Variants in DYNC2H1 observed in about 807,000 individuals in gnomAD.
DYNC2H1 encodes the protein cytoplasmic dynein 2 heavy chain 1.
A neutral mutation model predicts 570.0 loss-of-function variants in DYNC2H1; 410 were observed. The ratio of observed to expected loss-of-function variants is 0.72; its 90% CI spans 0.66 to 0.78. The LOEUF is 0.78. Among genes scored for constraint, DYNC2H1 ranks in the 30% least tolerant of loss-of-function variants. The pLI, the probability that DYNC2H1 is intolerant of heterozygous loss-of-function variation, is 0.00. For synonymous variants in DYNC2H1, 1,688 were observed against 1,677.6 expected (o/e 1.01, Z -0.15); for missense variants, 4,865 against 5,046.4 (o/e 0.96, Z 1.09).
In DYNC2H1 at chr11:103,346,732, T is replaced by C. The variant is rs1178641867; in HGVS notation, c.12040-11511T>C. On this transcript the variant is annotated intron_variant, in intron 82 of 88. Coordinates refer to ENST00000375735, the MANE Select transcript of DYNC2H1 (RefSeq NM_001377.3). ...AGGGAAAGAACTATGTACTTATCTT[T>C]CCTTTGTGAATTATATTTCAAGATA... Among the ~76,000 whole-genome samples, 3 of 152,212 alleles carry C rather than the reference T, an allele frequency of 2.0e-5. No individual in the cohort carries two copies. The East Asian group carries it at 5.8e-4, about 29-fold the overall frequency.
chr11:103,174,880 A>G (rs1038713687), intron 36 of DYNC2H1, among the ~76,000 whole-genome samples: 3 of 119,530 alleles, frequency 2.5e-5, no homozygotes, highest in African/African-American at 9.8e-5. Flanking sequence ...TAATAAATCT[A>G]GCTTACTCTC....
chr11:103,272,429 G>T (rs1335702051), intron 70 of DYNC2H1, among the ~76,000 whole-genome samples: 1 of 152,100 alleles, frequency 6.6e-6, no homozygotes, highest in Non-Finnish European at 1.5e-5. Flanking sequence ...GTCGTGGGGT[G>T]GGGGGATGGG....
chr11:103,345,205 T>G (rs1939681650), intron 82 of DYNC2H1, among the ~76,000 whole-genome samples: 1 of 152,208 alleles, frequency 6.6e-6, no homozygotes, highest in Non-Finnish European at 1.5e-5. Context: ...TTATTGTTAT[T>G]GTACAATATT....
intron 82 of DYNC2H1, among the ~76,000 whole-genome samples, chr11:103,350,865 T>G (rs1940019109): frequency 2.0e-5 from 3 of 152,062 alleles, no homozygotes; most frequent in Admixed American, 1.3e-4. Context: ...TACCCTTAAT[T>G]ACCTCCTTGG....
At chr11:103,190,259 A>G (rs1449911614) in intron 45 of DYNC2H1, among the ~76,000 whole-genome samples, 1 of 152,218 alleles carries the variant, frequency 6.6e-6, no homozygotes, top group Non-Finnish European at 1.5e-5. Context: ...ACTTGAAAGT[A>G]GGCATTGAGG....
rs145227293 is a variant in DYNC2H1 at position 103,454,544 on chromosome 11, G to A, written c.12457-642G>A. On this transcript the variant is annotated intron_variant, in intron 85 of 88. Coordinates refer to ENST00000375735, the MANE Select transcript of DYNC2H1 (RefSeq NM_001377.3). Reference sequence around the variant, plus strand: ...AAAGTGGGGATACTAATACTAACTTGCAGGGTCATGGTAAGTGTAAATTTG... The same window carrying A: ...AAAGTGGGGATACTAATACTAACTTACAGGGTCATGGTAAGTGTAAATTTG... 9.2e-4 allele frequency among the ~76,000 whole-genome samples: 140 copies of A among 152,228 alleles called. 1 individual carries two copies. The highest frequency in any genetic ancestry group is 2.9e-3 in the Admixed American group (44 of 15,286).
chr11:103,139,566 T>C (rs1197462609), intron 17 of DYNC2H1, among the ~76,000 whole-genome samples: 1 of 151,218 alleles, frequency 6.6e-6, no homozygotes, highest in Non-Finnish European at 1.5e-5. Flanking sequence ...TTGATTGCAC[T>C]GTGGTCTGAG....
rs753007219 is a variant in DYNC2H1 at position 103,303,131 on chromosome 11, C to A, written c.11134C>A (p.Arg3712Ser). The A allele has an allele frequency of 1.2e-6, 2 of 1,606,514 alleles. No individual in the cohort carries two copies. The highest frequency in any genetic ancestry group is 1.7e-6 in the Non-Finnish European group (2 of 1,175,722). ...EVSPLPLNLK[R>S]LYKETLEIEP... ...GTCCCCACTGCCTCTAAATCTCAAA[C>A]GTTTATACAAAGAGACACTGGAAAT... The change falls in exon 76 of 89, where the codon CGT becomes AGT. Residue 3712 changes from arginine to serine, a missense_variant. By Grantham distance (110) the Arg-to-Ser change is moderately radical (BLOSUM62 -1). Around this residue, in one of 5 missense-constraint regions of DYNC2H1, gnomAD observed 2,401 missense variants for 2,454.6 expected, o/e 0.98. Coordinates refer to ENST00000375735, the MANE Select transcript of DYNC2H1 (RefSeq NM_001377.3).
chr11:103,410,423 T>C (rs1943036883), intron 84 of DYNC2H1, among the ~76,000 whole-genome samples: 1 of 152,096 alleles, frequency 6.6e-6, no homozygotes, highest in African/African-American at 2.4e-5. Flanking sequence ...TCTATAACCT[T>C]TTTAGGGTTT....
rs2135286311 is a variant in DYNC2H1 at position 103,264,226 on chromosome 11, CA to C, written c.10695+4256del. 6.6e-6 allele frequency among the ~76,000 whole-genome samples: 1 copy of C among 152,010 alleles called. No homozygotes were observed. Among genetic ancestry groups the C allele is most frequent in the South Asian group, 2.1e-4 (1 of 4,804 alleles). The stretch of plus-strand genomic sequence containing the variant: ...AGGCAGTAATTAATAGCCTACCAAC[CA>C]AAAAAAGCCCAGGGTCAGATGGATT... On this transcript the variant is annotated intron_variant, in intron 70 of 88. Transcript: ENST00000375735. The surrounding 1 kb of genome is among the most constrained non-coding windows in gnomAD (Gnocchi z 4.8).
intron 47 of DYNC2H1, among the ~76,000 whole-genome samples, chr11:103,194,475 T>G (rs1458829202): frequency 6.6e-6 from 1 of 152,186 alleles, no homozygotes; most frequent in African/African-American, 2.4e-5. Flanking sequence ...GCATGCTTAC[T>G]TTTTTAAGCA....
At chr11:103,233,935 A>G (rs529809784) in intron 60 of DYNC2H1, 99 bp from the exon 61 acceptor site, 2 of 1,224,008 alleles carry the variant, frequency 1.6e-6, no homozygotes, top group African/African-American at 1.5e-5. Flanking sequence ...TATTATCATT[A>G]AATTATGGCA....
rs748050770 is a variant in DYNC2H1, at chr11:103,147,879, C to T, written c.2810C>T (p.Ser937Phe). The T allele has an allele frequency of 1.3e-6, 2 of 1,597,340 alleles. No individual in the cohort carries two copies. The highest frequency in any genetic ancestry group is 8.6e-7 in the Non-Finnish European group (1 of 1,167,242). Residue 937 changes from serine (S) to phenylalanine (F), a missense_variant, in exon 19 of 89, where the codon TCC becomes TTC. This residue lies in a region of DYNC2H1 where 1,936 missense variants were observed against 1,962.1 expected (regional missense o/e 0.99). Transcript: ENST00000375735. The part of the protein sequence containing the change: ...FDLLVLSLKK[S>F]IQAHLHEIDT... ...CTGCTTGTTCTTTCTTTGAAGAAGT[C>T]CATACAGGGTAAATACACATTTTAA...
chr11:103,137,998 G>T (rs921356814), intron 17 of DYNC2H1, among the ~76,000 whole-genome samples: 10 of 150,770 alleles, frequency 6.6e-5, no homozygotes, highest in Non-Finnish European at 1.3e-4. Context: ...AGTTGTGAAT[G>T]GGAGTTCACT....
chr11:103,392,709 T>A (rs1339610213), intron 83 of DYNC2H1, among the ~76,000 whole-genome samples: 1 of 151,914 alleles, frequency 6.6e-6, no homozygotes, highest in African/African-American at 2.4e-5. Context: ...ATATACATCA[T>A]TTGATTTTTA....
Position 103,125,287 on chromosome 11 carries a change from C to A in DYNC2H1, c.1849C>A (p.Leu617Ile), listed in dbSNP as rs1215539551. ...GAAATTCTGCAAGCAAGCAATTATTCTTAAACAAGTATGAAATTACATTTT... is the reference window on the plus strand; with the variant it reads ...GAAATTCTGCAAGCAAGCAATTATTATTAAACAAGTATGAAATTACATTTT... ...AQKFCKQAII[L>I]KQVAHFYNSI... The change falls in exon 12 of 89, where the codon CTT (leucine) becomes ATT (isoleucine). Residue 617 changes from leucine to isoleucine, a missense_variant. Leu to Ile is a conservative substitution (Grantham distance 5). This residue lies in a region of DYNC2H1 where 1,936 missense variants were observed against 1,962.1 expected (regional missense o/e 0.99). Coordinates refer to ENST00000375735, the MANE Select transcript of DYNC2H1 (RefSeq NM_001377.3). The A allele has an allele frequency of 1.3e-6, 2 of 1,588,454 alleles. No individual in the cohort carries two copies. Among genetic ancestry groups the A allele is most frequent in the African/African-American group, 1.4e-5 (1 of 73,830 alleles).
At chr11:103,127,857 TA>T (rs1356345623) in intron 12 of DYNC2H1, among the ~76,000 whole-genome samples, 16 of 152,350 alleles carry the variant, frequency 1.1e-4, no homozygotes, top group Admixed American at 9.8e-4. Flanking sequence ...AACAAACACA[TA>T]AATATATAAT....
At position 103,170,567 on chromosome 11, in the gene DYNC2H1, A is replaced by G. The variant is rs1861526469; in HGVS notation, c.5151+277A>G. 6.6e-6 allele frequency among the ~76,000 whole-genome samples: 1 copy of G among 152,212 alleles called. No homozygotes were observed. The highest frequency in any genetic ancestry group is 6.5e-5 in the Admixed American group (1 of 15,268). ...TAGTAAAGAGAATAATACAAAAGGA[A>G]AAATCTTCTGTTCATTTCAGATGAC... On this transcript the variant is annotated intron_variant, in intron 33 of 88. Coordinates refer to ENST00000375735, the MANE Select transcript of DYNC2H1 (RefSeq NM_001377.3). This position sits in a 1 kb window ranked among gnomAD's most constrained non-coding sequence, Gnocchi z 4.8.
intron 83 of DYNC2H1, among the ~76,000 whole-genome samples, chr11:103,375,943 C>T (rs1194429653): frequency 6.6e-6 from 1 of 152,144 alleles, no homozygotes; most frequent in Non-Finnish European, 1.5e-5. Context: ...TATGGTTTGG[C>T]AGTGTCTTTA....
Sources: allele counts gnomAD v4.1 joint callset (sites outside exome capture counted in the v4.1 genomes callset), GRCh38; gene constraint gnomAD v4.1.1; regional missense constraint gnomAD v4.1.1; non-coding constraint Gnocchi (gnomAD v3.1); transcripts MANE v1.5; gene names NCBI Gene and HGNC (gene_info 2026-07-23, HGNC 2026-07-21).